The following NRXN1 variants were observed in gnomAD, a reference collection of about 807,000 sequenced individuals.
NRXN1 encodes the protein neurexin-1.
In NRXN1, 39 loss-of-function variants were observed where a neutral mutation model predicts 150.9. The ratio of observed to expected loss-of-function variants is 0.26; its 90% CI spans 0.20 to 0.34. The LOEUF is 0.34. NRXN1 is among the 10% of genes least tolerant of loss of function. The pLI is 1.00. For missense variants in NRXN1, 1,815 were observed against 1,949.9 expected, an observed-to-expected ratio of 0.93 and a Z score of 1.30; for synonymous variants, 924 against 757.0, an observed-to-expected ratio of 1.22 and a Z score of -3.62.
At chr2:50,656,988 C>A (rs1686573368) in intron 5 of NRXN1, among the ~76,000 whole-genome samples, 1 of 151,966 alleles carries the variant, frequency 6.6e-6, no homozygotes, top group South Asian at 2.1e-4. Flanking sequence ...TTCCACCTTC[C>A]TTGATATATG....
intron 5 of NRXN1, among the ~76,000 whole-genome samples, chr2:50,892,484 G>C (rs187003708): frequency 1.3e-5 from 2 of 152,154 alleles, no homozygotes; most frequent in East Asian, 3.9e-4. Flanking sequence ...ATATACACTG[G>C]TGTAGTATTT....
chr2:50,256,870 G>A (rs2067750589), intron 17 of NRXN1, among the ~76,000 whole-genome samples: 7 of 152,128 alleles, frequency 4.6e-5, no homozygotes, highest in Admixed American at 3.9e-4. Context: ...TGAATCAGCT[G>A]CTTCAGACTT....
At chr2:50,471,730 G>C (rs1259060648) in intron 16 of NRXN1, among the ~76,000 whole-genome samples, 1 of 151,736 alleles carries the variant, frequency 6.6e-6, no homozygotes, top group Non-Finnish European at 1.5e-5. Context: ...GGGCCTACTG[G>C]AGGGTGGAGA....
intron 14 of NRXN1, 73 bp downstream of exon 14, chr2:50,497,260 T>C (rs2091687947): frequency 3.4e-6 from 4 of 1,179,168 alleles, no homozygotes; most frequent in Non-Finnish European, 4.6e-6. Flanking sequence ...TTCTTCTTAG[T>C]GTATATTTTT....
Position 50,746,294 on chromosome 2 carries a change from A to G in NRXN1, c.833-122679T>C, listed in dbSNP as rs181120349. The stretch of plus-strand genomic sequence containing the variant: ...AGATGAGGGATGGGCACAGGGGCTC[A>G]TGCCTGTAATCCTAAAACTTTGGGA... On this transcript the variant is annotated intron_variant, in intron 5 of 22. Transcript: ENST00000401669. Among the ~76,000 whole-genome samples the G allele has an allele frequency of 4.6e-5, 7 of 152,238 alleles. No homozygotes were observed. In the East Asian group the frequency reaches 1.4e-3, roughly 30 times the overall value.
chr2:50,800,909 C>A (rs1438485258), intron 5 of NRXN1, among the ~76,000 whole-genome samples: 1 of 152,122 alleles, frequency 6.6e-6, no homozygotes, highest in Non-Finnish European at 1.5e-5. Flanking sequence ...ACATTTGGAA[C>A]TATTTTTTAA....
chr2:51,020,588 T>G (rs2105275515), intron 2 of NRXN1, among the ~76,000 whole-genome samples: 2 of 152,114 alleles, frequency 1.3e-5, no homozygotes, highest in South Asian at 2.1e-4. Flanking sequence ...CCACAAATTT[T>G]TAAGCTTTGA....
chr2:50,888,024 T>C (rs2103788232), intron 5 of NRXN1, among the ~76,000 whole-genome samples: 1 of 151,218 alleles, frequency 6.6e-6, no homozygotes, highest in African/African-American at 2.4e-5. Context: ...TTCATTTACA[T>C]GGTCTGTTTT....
At chr2:50,269,509 C>T (rs2152921572) in intron 17 of NRXN1, among the ~76,000 whole-genome samples, 1 of 152,238 alleles carries the variant, frequency 6.6e-6, no homozygotes, top group South Asian at 2.1e-4. Flanking sequence ...TTATATCTGG[C>T]CAATGGAATT....
chr2:50,808,036 C>A (rs1667733317), intron 5 of NRXN1, among the ~76,000 whole-genome samples: 1 of 152,024 alleles, frequency 6.6e-6, no homozygotes, highest in Non-Finnish European at 1.5e-5. Context: ...TTTATACTAC[C>A]TAGAATGTTA....
At chr2:50,374,218 A>G (rs1325295933) in intron 17 of NRXN1, among the ~76,000 whole-genome samples, 1 of 151,788 alleles carries the variant, frequency 6.6e-6, no homozygotes, top group African/African-American at 2.4e-5. Flanking sequence ...TGATTGCTTG[A>G]GTCCAGAAGT....
At chr2:50,417,341 G>C (rs2083618000) in intron 17 of NRXN1, 1 of 152,068 alleles carries the variant, frequency 6.6e-6, no homozygotes, top group African/African-American at 2.4e-5. Flanking sequence ...CTATTTTATT[G>C]GGTACAGAAT....
intron 18 of NRXN1, among the ~76,000 whole-genome samples, chr2:50,192,653 C>G (rs560706879): frequency 6.6e-6 from 1 of 152,120 alleles, no homozygotes; most frequent in African/African-American, 2.4e-5. Context: ...GTCACCCAGG[C>G]TAGAGTGTAG....
chr2:50,182,934 C>G (rs965298693), intron 18 of NRXN1, among the ~76,000 whole-genome samples: 1 of 151,914 alleles, frequency 6.6e-6, no homozygotes, highest in African/African-American at 2.4e-5. Context: ...GGTAAAATAT[C>G]TAAATTATCT....
chr2:50,263,721 G>C (rs144700729), intron 17 of NRXN1, among the ~76,000 whole-genome samples: 118 of 152,196 alleles, frequency 7.8e-4, no homozygotes, highest in African/African-American at 2.8e-3. Flanking sequence ...AGAAATCAGA[G>C]TATGCATCCT....
At chr2:50,694,264 T>C (rs563257888) in intron 5 of NRXN1, among the ~76,000 whole-genome samples, 6 of 152,150 alleles carry the variant, frequency 3.9e-5, no homozygotes, top group Admixed American at 2.0e-4. Context: ...TTCCAGAAAT[T>C]TGAGGGGAAA....
chr2:50,121,337 C>T (rs1480930065), intron 18 of NRXN1, among the ~76,000 whole-genome samples: 2 of 152,120 alleles, frequency 1.3e-5, no homozygotes, highest in Non-Finnish European at 2.9e-5. Flanking sequence ...CTTATTTCAC[C>T]TCATTTAATC....
intron 22 of NRXN1, among the ~76,000 whole-genome samples, chr2:49,936,079 CT>C (rs1446329209): frequency 3.3e-5 from 5 of 152,186 alleles, no homozygotes; most frequent in African/African-American, 9.7e-5. Context: ...TGCCTAAAAA[CT>C]TATGCTGTAC....
intron 17 of NRXN1, among the ~76,000 whole-genome samples, chr2:50,247,333 C>T (rs760167178): frequency 6.6e-6 from 1 of 152,078 alleles, no homozygotes; most frequent in Non-Finnish European, 1.5e-5. Context: ...GCCAAAAATT[C>T]TGCATATTTT....
Sources: allele counts gnomAD v4.1 joint callset (sites outside exome capture counted in the v4.1 genomes callset), GRCh38; gene constraint gnomAD v4.1.1; transcripts MANE v1.5; gene names NCBI Gene and HGNC (gene_info 2026-07-23, HGNC 2026-07-21).